MANBA: variants seen among roughly 807,000 people sequenced by gnomAD.
MANBA encodes the protein mannosidase beta, also known as beta-mannosidase.
In MANBA, 83 loss-of-function variants were observed where a neutral mutation model predicts 111.1. That is an observed-to-expected ratio of 0.75 (90% CI 0.63 to 0.90). The LOEUF is 0.90. MANBA is among the 40% of genes least tolerant of loss of function. The probability of loss-of-function intolerance (pLI) is 0.00; values close to 1 mark genes in which losing one functional copy is unlikely to be tolerated. For missense variants in MANBA, 1,036 were observed against 1,069.0 expected, an observed-to-expected ratio of 0.97 and a Z score of 0.43; for synonymous variants, 370 against 378.7, an observed-to-expected ratio of 0.98 and a Z score of 0.27.
intron 1 of MANBA, among the ~76,000 whole-genome samples, chr4:102,745,051 T>C (rs1285488342): frequency 6.6e-6 from 1 of 152,124 alleles, no homozygotes. Flanking sequence ...GTCAGACCTG[T>C]AAGTCAGACC....
chr4:102,686,811 G>A (rs750661581), intron 7 of MANBA, among the ~76,000 whole-genome samples: 1 of 152,062 alleles, frequency 6.6e-6, no homozygotes. Flanking sequence ...ACTGCCTGGG[G>A]TTCTGTCCTA....
At chr4:102,668,703 C>A in intron 10 of MANBA, 3 of 442,680 alleles carry the variant, frequency 6.8e-6, no homozygotes, top group Non-Finnish European at 1.3e-5. Context: ...CAAGCAGAGG[C>A]ACCAGGTAGG....
chr4:102,691,343 G>A (rs1388000131), intron 5 of MANBA, among the ~76,000 whole-genome samples: 1 of 151,960 alleles, frequency 6.6e-6, no homozygotes, highest in Non-Finnish European at 1.5e-5. Flanking sequence ...ATGGTGACCA[G>A]GATAAACATG....
At chr4:102,685,596 C>G (rs980960463) in intron 7 of MANBA, among the ~76,000 whole-genome samples, 5 of 152,104 alleles carry the variant, frequency 3.3e-5, no homozygotes, top group Non-Finnish European at 7.4e-5. Flanking sequence ...TCTCAACTAC[C>G]TCCCTGCTTT....
intron 9 of MANBA, among the ~76,000 whole-genome samples, chr4:102,669,575 G>A (rs1731393590): frequency 6.6e-6 from 1 of 152,250 alleles, no homozygotes; most frequent in Non-Finnish European, 1.5e-5. Context: ...TGGGAGCAGT[G>A]GCTCACGCCT....
chr4:102,681,494 A>G (rs538374980), intron 7 of MANBA: 1 of 152,348 alleles, frequency 6.6e-6, no homozygotes, highest in South Asian at 2.1e-4. Flanking sequence ...CACTATTAAA[A>G]TTAGTAGAAT....
At chr4:102,697,445 C>T (rs1003073930) in intron 5 of MANBA, among the ~76,000 whole-genome samples, 19 of 151,694 alleles carry the variant, frequency 1.3e-4, no homozygotes, top group African/African-American at 3.1e-4. Context: ...CATGCTGGTG[C>T]GCTGCACCCA....
intron 13 of MANBA, among the ~76,000 whole-genome samples, chr4:102,642,622 A>G (rs926937368): frequency 6.6e-6 from 1 of 152,194 alleles, no homozygotes; most frequent in African/African-American, 2.4e-5. Flanking sequence ...GAAGAAAAGA[A>G]AAAAATGCCT....
At chr4:102,679,580 AAAT>A (rs965149156) in intron 7 of MANBA, 8 of 152,084 alleles carry the variant, frequency 5.3e-5, no homozygotes, top group African/African-American at 1.9e-4. Context: ...CTATAGTAAG[AAAT>A]AATAATATTT....
intron 7 of MANBA, among the ~76,000 whole-genome samples, chr4:102,683,966 C>T (rs541263382): frequency 3.3e-5 from 5 of 152,220 alleles, no homozygotes; most frequent in African/African-American, 1.2e-4. Context: ...GAAATGTAGT[C>T]GGCCCTTTCC....
chr4:102,734,606 G>A (rs1408220647), intron 1 of MANBA: 22 of 1,602,510 alleles, frequency 1.4e-5, no homozygotes, highest in Non-Finnish European at 1.8e-5. Flanking sequence ...AGACCAAGAA[G>A]AAGCGGTAGA....
chr4:102,747,883 G>C (rs1466585318), intron 1 of MANBA, among the ~76,000 whole-genome samples: 1 of 152,216 alleles, frequency 6.6e-6, no homozygotes, highest in Non-Finnish European at 1.5e-5. Flanking sequence ...CAAGTCCCAG[G>C]CATTATGCAA....
intron 1 of MANBA, chr4:102,753,995 T>C (rs1723908717): frequency 3.6e-6 from 1 of 280,644 alleles, no homozygotes; most frequent in Non-Finnish European, 6.6e-6. Flanking sequence ...AGAGTGAGAC[T>C]CTGTCTCAAA....
At chr4:102,719,232 T>C (rs945105915) in intron 4 of MANBA, among the ~76,000 whole-genome samples, 1 of 152,192 alleles carries the variant, frequency 6.6e-6, no homozygotes, top group Non-Finnish European at 1.5e-5. Context: ...GGGTTACTCC[T>C]TGCTGGGAAA....
At chr4:102,723,366 T>C (rs1428171553) in intron 3 of MANBA, among the ~76,000 whole-genome samples, 1 of 152,222 alleles carries the variant, frequency 6.6e-6, no homozygotes, top group African/African-American at 2.4e-5. Context: ...TCTACTTATA[T>C]GTGGCCTTGA....
intron 1 of MANBA, among the ~76,000 whole-genome samples, chr4:102,760,047 C>T (rs1250986006): frequency 6.6e-6 from 1 of 151,970 alleles, no homozygotes; most frequent in Non-Finnish European, 1.5e-5. Flanking sequence ...AACACGAAAA[C>T]GTTCCCCACA....
chr4:102,741,189 T>TA (rs1260454445), intron 1 of MANBA, among the ~76,000 whole-genome samples: 2 of 152,042 alleles, frequency 1.3e-5, no homozygotes, highest in Admixed American at 1.3e-4. Flanking sequence ...AGAAAAAATT[T>TA]AAAAATGTTT....
Position 102,674,066 on chromosome 4 carries a change from T to C in MANBA, c.965A>G (p.Tyr322Cys), listed in dbSNP as rs202144246. ...TTCTATAAGTTCCACTGTCCTAAAATAAACCTGCAATGAACAGAATTAAAT... is the reference window on the plus strand; with the variant it reads ...TTCTATAAGTTCCACTGTCCTAAAACAAACCTGCAATGAACAGAATTAAAT... The part of the protein sequence containing the change: ...GLNIEKSAKV[Y>C]FRTVELIEEP... Residue 322 changes from tyrosine to cysteine, a missense_variant, in exon 8 of 17, where the codon TAT becomes TGT. Tyr to Cys is a radical substitution (Grantham distance 194). Coordinates refer to ENST00000647097, the MANE Select transcript of MANBA (RefSeq NM_005908.4). 3.1e-6 allele frequency: 5 copies of C among 1,597,166 alleles called. No individual in the cohort carries two copies. Among genetic ancestry groups the C allele is most frequent in the Non-Finnish European group, 4.3e-6 (5 of 1,164,798 alleles).
At chr4:102,661,611 C>T (rs946222555) in intron 11 of MANBA, among the ~76,000 whole-genome samples, 1 of 152,222 alleles carries the variant, frequency 6.6e-6, no homozygotes, top group Non-Finnish European at 1.5e-5. Flanking sequence ...GATTTCCCTT[C>T]ATTCCTTGAG....
Sources: gnomAD v4.1 joint callset for allele counts (sites outside exome capture counted in the v4.1 genomes callset) on GRCh38, gnomAD v4.1.1 for gene constraint, MANE v1.5 for transcripts, NCBI Gene and HGNC (gene_info 2026-07-23, HGNC 2026-07-21) for gene names.